Variants in MRAP2 observed in about 807,000 individuals in gnomAD.
MRAP2 encodes melanocortin 2 receptor accessory protein 2, also known as melanocortin-2 receptor accessory protein 2.
Under a neutral mutation model 17.4 loss-of-function variants are expected in MRAP2, and 20 were observed. The ratio of observed to expected loss-of-function variants is 1.15; its 90% CI spans 0.81 to 1.67. MRAP2 has a LOEUF of 1.67. Among genes scored for constraint, MRAP2 ranks in the 40% most tolerant of loss-of-function variants. The pLI, the probability that MRAP2 is intolerant of heterozygous loss-of-function variation, is 0.00. For synonymous variants in MRAP2, 96 were observed against 88.4 expected, an observed-to-expected ratio of 1.09 and a Z score of -0.48; for missense variants, 238 against 240.0, an observed-to-expected ratio of 0.99 and a Z score of 0.05.
chr6:84,034,088 G>A (rs983821035), intron 1 of MRAP2, among the ~76,000 whole-genome samples: 12 of 152,078 alleles, frequency 7.9e-5, no homozygotes, highest in African/African-American at 2.9e-4. Context: ...AGAGCACCAA[G>A]TTTAAAACCT....
intron 3 of MRAP2, among the ~76,000 whole-genome samples, chr6:84,064,605 A>G (rs966756788): frequency 1.3e-5 from 2 of 152,048 alleles, no homozygotes; most frequent in East Asian, 1.9e-4. Flanking sequence ...CTCCTGCCTC[A>G]GCCTCCCCAG....
intron 3 of MRAP2, among the ~76,000 whole-genome samples, chr6:84,070,710 GT>G (rs1355426963): frequency 7.2e-5 from 11 of 151,876 alleles, no homozygotes; most frequent in Non-Finnish European, 1.6e-4. Context: ...CCCCCACTTA[GT>G]TCTATAAGTA....
At chr6:84,053,705 C>T (rs1181172880) in intron 1 of MRAP2, among the ~76,000 whole-genome samples, 1 of 152,154 alleles carries the variant, frequency 6.6e-6, no homozygotes, top group African/African-American at 2.4e-5. Flanking sequence ...CATGCAACAT[C>T]ACATTTAACT....
chr6:84,078,160 C>T (rs146544311), intron 3 of MRAP2, among the ~76,000 whole-genome samples: 34 of 152,102 alleles, frequency 2.2e-4, no homozygotes, highest in African/African-American at 6.5e-4. Context: ...GATTAAAACC[C>T]CTGCTCATCA....
chr6:84,081,527 G>T (rs1240281207), intron 3 of MRAP2, among the ~76,000 whole-genome samples: 1 of 152,156 alleles, frequency 6.6e-6, no homozygotes, highest in Non-Finnish European at 1.5e-5. Flanking sequence ...AAAGTCTGTG[G>T]TGATTCCTTG....
chr6:84,086,655 C>T (rs1227322925), intron 3 of MRAP2, among the ~76,000 whole-genome samples: 1 of 152,148 alleles, frequency 6.6e-6, no homozygotes, highest in African/African-American at 2.4e-5. Flanking sequence ...ACACATCATA[C>T]TGTTGCCATA....
chr6:84,104,182 G>A, the MRAP2 span, among the ~76,000 whole-genome samples: 7 of 152,208 alleles, frequency 4.6e-5, no homozygotes, highest in African/African-American at 7.2e-5. Flanking sequence ...CACAGGCCGA[G>A]CTCTACATTG....
rs2497128 is a variant in MRAP2, at chr6:84,090,344, A to G, written c.*863A>G. Reference sequence around the variant, plus strand: ...TCATCTTACACAGTCATGGTGGCCAATGTTTCTGGTGGGTTGTGCTGAAAC... The same window carrying G: ...TCATCTTACACAGTCATGGTGGCCAGTGTTTCTGGTGGGTTGTGCTGAAAC... On this transcript the variant is annotated 3_prime_UTR_variant, in exon 4 of 4. Coordinates refer to ENST00000257776, the MANE Select transcript of MRAP2 (RefSeq NM_138409.4). 0.2 allele frequency: 30,345 copies of G among 152,090 alleles called. 6,237 individuals carry two copies. The highest frequency in any genetic ancestry group is 0.53 in the African/African-American group (21,793 of 41,436). 9.4% of individuals were successfully genotyped at this position (152,090 alleles called of 1,614,324 possible). A position where few individuals can be genotyped will look rare whatever the true frequency, so the allele number is the denominator to read the frequency against.
the MRAP2 span, among the ~76,000 whole-genome samples, chr6:84,146,282 A>G: frequency 2.6e-5 from 4 of 152,028 alleles, no homozygotes; most frequent in Admixed American, 6.6e-5. Context: ...TCTCTTATTA[A>G]TCTGTCTTTT....
intron 3 of MRAP2, among the ~76,000 whole-genome samples, chr6:84,087,134 C>T (rs2099500680): frequency 6.6e-6 from 1 of 152,004 alleles, no homozygotes; most frequent in South Asian, 2.1e-4. Context: ...TCAGGAGGTC[C>T]TGAAGACATG....
intron 1 of MRAP2, among the ~76,000 whole-genome samples, chr6:84,053,253 C>A (rs2099490897): frequency 6.6e-6 from 1 of 152,290 alleles, no homozygotes. Flanking sequence ...TAGTCCCTCC[C>A]TCTGCTCTGC....
the MRAP2 span, among the ~76,000 whole-genome samples, chr6:84,121,137 C>A: frequency 2.7e-5 from 4 of 149,868 alleles, no homozygotes; most frequent in African/African-American, 9.9e-5. Context: ...TGCAGTGGTG[C>A]AATCATAGCT....
upstream of MRAP2, among the ~76,000 whole-genome samples, chr6:84,033,518 G>C (rs529225533): frequency 6.6e-6 from 1 of 152,164 alleles, no homozygotes; most frequent in South Asian, 2.1e-4. Context: ...AAGTTGACCC[G>C]AGGGACCCAC....
the MRAP2 span, among the ~76,000 whole-genome samples, chr6:84,144,026 C>A: frequency 2.0e-5 from 3 of 151,862 alleles, no homozygotes; most frequent in African/African-American, 2.4e-5. Flanking sequence ...TTCATAATGA[C>A]CTGTGATCCT....
chr6:84,055,657 C>G (rs1351108252), intron 2 of MRAP2, among the ~76,000 whole-genome samples: 1 of 152,138 alleles, frequency 6.6e-6, no homozygotes, highest in Non-Finnish European at 1.5e-5. Context: ...TGATGAAAGA[C>G]TAAAAAATTC....
intron 1 of MRAP2, among the ~76,000 whole-genome samples, chr6:84,042,862 G>A (rs970965044): frequency 1.3e-5 from 2 of 152,230 alleles, no homozygotes; most frequent in African/African-American, 4.8e-5. Flanking sequence ...TGTGTCTCAA[G>A]CTCTTAAATA....
intron 1 of MRAP2, among the ~76,000 whole-genome samples, chr6:84,039,789 AG>A (rs1489112007): frequency 9.2e-5 from 14 of 152,172 alleles, no homozygotes; most frequent in Non-Finnish European, 2.1e-4. Flanking sequence ...AGGCTGAGGG[AG>A]GGGCTTCTTA....
At chr6:84,128,890 G>A in the MRAP2 span, among the ~76,000 whole-genome samples, 2 of 143,324 alleles carry the variant, frequency 1.4e-5, no homozygotes, top group African/African-American at 5.2e-5. Context: ...CCCCTCCTAT[G>A]TCACTGTGTT....
chr6:84,133,506 G>C, the MRAP2 span, among the ~76,000 whole-genome samples: 1 of 152,110 alleles, frequency 6.6e-6, no homozygotes, highest in East Asian at 1.9e-4. Flanking sequence ...GTTGCGGTGG[G>C]CTCCACCCAG....
Sources: gnomAD v4.1 joint callset for allele counts (sites outside exome capture counted in the v4.1 genomes callset) on GRCh38, gnomAD v4.1.1 for gene constraint, MANE v1.5 for transcripts, NCBI Gene and HGNC (gene_info 2026-07-23, HGNC 2026-07-21) for gene names.